TUT4: variants seen among roughly 807,000 people sequenced by gnomAD.
TUT4 encodes the protein terminal uridylyltransferase 4.
Under a neutral mutation model 192.2 loss-of-function variants are expected in TUT4, and 36 were observed. The observed-to-expected ratio is 0.19, with a 90% confidence interval of 0.14 to 0.25. TUT4 has a LOEUF of 0.25. TUT4 is among the 10% of genes least tolerant of loss of function. The pLI is 1.00. For synonymous variants in TUT4, 618 were observed against 666.0 expected (o/e 0.93, Z 1.11); for missense variants, 1,493 against 1,957.2 (o/e 0.76, Z 4.47).
chr1:52,495,843 G>A (rs1205304972), intron 5 of TUT4, among the ~76,000 whole-genome samples: 1 of 152,060 alleles, frequency 6.6e-6, no homozygotes, highest in Non-Finnish European at 1.5e-5. Context: ...ACTTAGCTAT[G>A]GCTACTGTCA....
At chr1:52,479,578 C>T (rs1349615118) in intron 11 of TUT4, among the ~76,000 whole-genome samples, 1 of 152,108 alleles carries the variant, frequency 6.6e-6, no homozygotes, top group Non-Finnish European at 1.5e-5. Flanking sequence ...CCGAAAGGAA[C>T]ATCCTTTCAG....
At chr1:52,525,322 T>G (rs1188688709) in intron 2 of TUT4, among the ~76,000 whole-genome samples, 2 of 152,144 alleles carry the variant, frequency 1.3e-5, no homozygotes, top group African/African-American at 4.8e-5. Context: ...ATACTAAATT[T>G]TTATTTGCAC....
intron 28 of TUT4, among the ~76,000 whole-genome samples, chr1:52,430,567 G>A (rs1033351511): frequency 2.0e-5 from 3 of 152,220 alleles, no homozygotes; most frequent in African/African-American, 7.2e-5. Flanking sequence ...ACAGGCATGA[G>A]CCACCATGCC....
At chr1:52,469,574 T>C (rs941443283) in intron 14 of TUT4, among the ~76,000 whole-genome samples, 2 of 152,122 alleles carry the variant, frequency 1.3e-5, no homozygotes, top group Non-Finnish European at 2.9e-5. Flanking sequence ...TATGAAATCA[T>C]GTTTGGTTTA....
intron 11 of TUT4, among the ~76,000 whole-genome samples, chr1:52,480,408 G>C (rs1668208448): frequency 6.6e-6 from 1 of 152,230 alleles, no homozygotes; most frequent in Non-Finnish European, 1.5e-5. Context: ...TAGTAATGTG[G>C]AGGTTACTGA....
intron 1 of TUT4, among the ~76,000 whole-genome samples, chr1:52,526,951 G>C (rs1681944577): frequency 6.6e-6 from 1 of 152,182 alleles, no homozygotes; most frequent in African/African-American, 2.4e-5. Context: ...TTGAACCCGG[G>C]AGGCAGAGGT....
At chr1:52,489,767 A>C (rs1410745721) in intron 8 of TUT4, among the ~76,000 whole-genome samples, 1 of 152,230 alleles carries the variant, frequency 6.6e-6, no homozygotes, top group African/African-American at 2.4e-5. Context: ...AATGATGTGA[A>C]TCTAGACAAA....
chr1:52,461,427 A>T, intron 18 of TUT4, 86 bp downstream of exon 18: 1 of 1,355,264 alleles, frequency 7.4e-7, no homozygotes, highest in Non-Finnish European at 1.0e-6. Flanking sequence ...TATACTGTTC[A>T]CATTTGAAAG....
chr1:52,474,729 G>A, intron 13 of TUT4, 103 bp downstream of exon 13: 2 of 1,007,404 alleles, frequency 2.0e-6, no homozygotes, highest in South Asian at 1.8e-5. Flanking sequence ...TCCAAAACAA[G>A]TCACCACTTT....
chr1:52,470,351 T>C (rs1351823343), intron 14 of TUT4, among the ~76,000 whole-genome samples: 1 of 152,104 alleles, frequency 6.6e-6, no homozygotes, highest in East Asian at 1.9e-4. Context: ...GGTAAATAAA[T>C]TACTAAGTAA....
At chr1:52,550,532 T>G (rs1558046195) in intron 1 of TUT4, among the ~76,000 whole-genome samples, 2 of 149,004 alleles carry the variant, frequency 1.3e-5, no homozygotes, top group Non-Finnish European at 3.0e-5. Context: ...AGACAGGGTC[T>G]TACTCTGTCG....
intron 1 of TUT4, among the ~76,000 whole-genome samples, chr1:52,532,974 C>T (rs1159096029): frequency 6.6e-6 from 1 of 152,178 alleles, no homozygotes; most frequent in East Asian, 1.9e-4. Flanking sequence ...ATCATTCAAC[C>T]ATCATGTTCT....
chr1:52,535,074 T>G (rs186806038), intron 1 of TUT4: 1 of 152,308 alleles, frequency 6.6e-6, no homozygotes, highest in Non-Finnish European at 1.5e-5. Flanking sequence ...TGTAGATATC[T>G]CCTCATTCAT....
chr1:52,461,967 A>G, intron 16 of TUT4, 198 bp from the exon 17 acceptor site: 1 of 407,744 alleles, frequency 2.5e-6, no homozygotes, highest in African/African-American at 2.0e-5. Flanking sequence ...GAATCTGAGG[A>G]CCCTCCCCAG....
At chr1:52,489,685 A>G (rs1670658092) in intron 8 of TUT4, among the ~76,000 whole-genome samples, 1 of 152,216 alleles carries the variant, frequency 6.6e-6, no homozygotes, top group African/African-American at 2.4e-5. Context: ...CACACAGGCA[A>G]TTTAACACAA....
rs1324612365 is a variant in TUT4 at position 52,551,615 on chromosome 1, C to CAGT, written c.-94+1313_-94+1315dup. ...TTTCATTTTACCAGTTGTGACTAAT[C>CAGT]AGTACTACGATGCAGTGTAGTGACA... On this transcript the variant is annotated intron_variant, in intron 1 of 29. Coordinates refer to ENST00000257177, the MANE Select transcript of TUT4 (RefSeq NM_001009881.3). Among the ~76,000 whole-genome samples the CAGT allele has an allele frequency of 1.3e-5, 2 of 152,244 alleles. 1 individual carries two copies.
chr1:52,497,090 C>G lies in TUT4; in HGVS notation c.1093G>C (p.Glu365Gln). Residue 365 changes from glutamate (E) to glutamine (Q), a missense_variant, in exon 5 of 30, where the codon GAA (glutamate) becomes CAA (glutamine). By Grantham distance (29) the Glu-to-Gln change is conservative (BLOSUM62 2). Around this residue, in one of 7 missense-constraint regions of TUT4, gnomAD observed 437 missense variants for 577.6 expected, o/e 0.76. Transcript: ENST00000257177. ...AGGTCATCATCTGTTATTCCATGTT[C>G]TTTTGCTAATTCAATGACTGCAACA... The part of the protein sequence containing the change: ...LSVAVIELAK[E>Q]HGITDDDLRV... 6.2e-7 allele frequency: 1 copy of G among 1,613,944 alleles called. No individual in the cohort carries two copies. Among genetic ancestry groups the G allele is most frequent in the Non-Finnish European group, 8.5e-7 (1 of 1,179,952 alleles).
chr1:52,511,616 A>G (rs1427976780), intron 3 of TUT4, among the ~76,000 whole-genome samples: 1 of 152,144 alleles, frequency 6.6e-6, no homozygotes, highest in Non-Finnish European at 1.5e-5. Flanking sequence ...AGCTGTGTGG[A>G]TATCTGAAAA....
chr1:52,496,675 C>T (rs1672520077), intron 5 of TUT4, among the ~76,000 whole-genome samples: 2 of 152,098 alleles, frequency 1.3e-5, no homozygotes, highest in South Asian at 4.1e-4. Flanking sequence ...AGTTCAGTGA[C>T]TGGATGAAAT....
Sources: allele counts gnomAD v4.1 joint callset (sites outside exome capture counted in the v4.1 genomes callset), GRCh38; gene constraint gnomAD v4.1.1; regional missense constraint gnomAD v4.1.1; transcripts MANE v1.5; gene names NCBI Gene and HGNC (gene_info 2026-07-23, HGNC 2026-07-21).